Variants in FAAH2 observed in about 807,000 individuals in gnomAD.
FAAH2 encodes the protein fatty acid amide hydrolase 2.
In FAAH2, 60 loss-of-function variants were observed where a neutral mutation model predicts 36.9. The ratio of observed to expected loss-of-function variants is 1.63; its 90% CI spans 1.32 to 2.02. The LOEUF is 2.02. FAAH2 is among the 30% of genes most tolerant of loss of function. FAAH2 has a pLI of 0.00. For synonymous variants in FAAH2, 214 were observed against 143.8 expected, an observed-to-expected ratio of 1.49 and a Z score of -3.49; for missense variants, 689 against 397.5, an observed-to-expected ratio of 1.73 and a Z score of -6.23.
At chrX:57,154,536 G>T in the FAAH2 span, among the ~76,000 whole-genome samples, 4 of 110,235 alleles carry the variant, frequency 3.6e-5, no homozygotes, top group African/African-American at 1.3e-4. Flanking sequence ...GCCTCCCAAA[G>T]TGTTGGGATT....
the FAAH2 span, among the ~76,000 whole-genome samples, chrX:57,188,030 T>C: frequency 8.9e-6 from 1 of 111,808 alleles, no homozygotes; most frequent in African/African-American, 3.2e-5. Flanking sequence ...TTTCCTTTTT[T>C]ATTGTGTCTC....
chrX:57,163,437 A>G, the FAAH2 span, among the ~76,000 whole-genome samples: 65 of 111,960 alleles, frequency 5.8e-4, no homozygotes, highest in African/African-American at 2.1e-3. Context: ...AGCCTGGGCA[A>G]TGGAGGGCGC....
chrX:57,375,269 A>T (rs1041361245), intron 5 of FAAH2, among the ~76,000 whole-genome samples: 1 of 108,044 alleles, frequency 9.3e-6, no homozygotes, highest in Non-Finnish European at 1.9e-5. Flanking sequence ...TTCTTTCTCT[A>T]TCTTGTGGAA....
intron 3 of FAAH2, among the ~76,000 whole-genome samples, chrX:57,322,612 C>G (rs1460114393): frequency 6.3e-5 from 7 of 111,209 alleles, no homozygotes; most frequent in Non-Finnish European, 9.4e-5. Context: ...TGCCTTCTTT[C>G]TCTTTTTCTT....
the FAAH2 span, among the ~76,000 whole-genome samples, chrX:57,211,749 C>T: frequency 9.1e-4 from 102 of 111,799 alleles, no homozygotes; most frequent in African/African-American, 3.2e-3. Flanking sequence ...CTTGAGACTG[C>T]TCACCCATGC....
chrX:57,181,905 TAGCTTAGAAGTA>T, the FAAH2 span, among the ~76,000 whole-genome samples: 1 of 111,318 alleles, frequency 9.0e-6, no homozygotes. Context: ...ACAGAATAGA[TAGCTTAGAAGTA>T]ACACTGCACA....
At chrX:57,373,972 G>A (rs1002259393) in intron 5 of FAAH2, among the ~76,000 whole-genome samples, 27 of 111,225 alleles carry the variant, frequency 2.4e-4, no homozygotes, top group Admixed American at 2.9e-4. Context: ...TTGTTGAATA[G>A]GGTGTCCTTT....
chrX:57,365,008 G>A (rs1268718252), intron 5 of FAAH2, among the ~76,000 whole-genome samples: 2 of 111,789 alleles, frequency 1.8e-5, no homozygotes, highest in Non-Finnish European at 3.8e-5. Context: ...ATATACAGAT[G>A]AGAAAAACTG....
intron 7 of FAAH2, among the ~76,000 whole-genome samples, chrX:57,427,666 C>T (rs1044468276): frequency 2.7e-5 from 3 of 111,635 alleles, no homozygotes; most frequent in African/African-American, 6.5e-5. Flanking sequence ...ATATGATCAT[C>T]TCCATAGATG....
At chrX:57,253,513 C>T in the FAAH2 span, among the ~76,000 whole-genome samples, 6 of 111,365 alleles carry the variant, frequency 5.4e-5, no homozygotes, top group East Asian at 2.8e-4. Context: ...TAATGGCAGC[C>T]GGAGAGAAAG....
chrX:57,448,129 C>A (rs1394708140), intron 9 of FAAH2, among the ~76,000 whole-genome samples: 1 of 111,330 alleles, frequency 9.0e-6, no homozygotes, highest in Non-Finnish European at 1.9e-5. Flanking sequence ...GCTGGGACTA[C>A]AGGGCTCACC....
chrX:57,466,666 T>A (rs1337920154), intron 10 of FAAH2, among the ~76,000 whole-genome samples: 1 of 111,028 alleles, frequency 9.0e-6, no homozygotes, highest in African/African-American at 3.3e-5. Flanking sequence ...TTCAAATAGA[T>A]TGAAACTAAA....
chrX:57,488,742 G>T lies in FAAH2; in HGVS notation c.1424-15G>T. 8.3e-7 allele frequency: 1 copy of T among 1,204,819 alleles called. No individual in the cohort carries two copies. Among genetic ancestry groups the T allele is most frequent in the Non-Finnish European group, 1.1e-6 (1 of 893,031 alleles). Reference sequence around the variant, plus strand: ...CAGGTCTTGATTTCTCACTTATTTTGTTTGTTTTCTTCAGGTGTCTTCAGT... The same window carrying T: ...CAGGTCTTGATTTCTCACTTATTTTTTTTGTTTTCTTCAGGTGTCTTCAGT... On this transcript the variant is annotated splice_polypyrimidine_tract_variant and intron_variant, in intron 10 of 10. Coordinates refer to ENST00000374900, the MANE Select transcript of FAAH2 (RefSeq NM_174912.4).
the FAAH2 span, among the ~76,000 whole-genome samples, chrX:57,263,782 C>G: frequency 9.0e-6 from 1 of 111,434 alleles, no homozygotes; most frequent in African/African-American, 3.2e-5. Flanking sequence ...AAGAATCTTT[C>G]TACCCAATTG....
intron 10 of FAAH2, among the ~76,000 whole-genome samples, chrX:57,470,178 C>T (rs76263819): frequency 9.0e-6 from 1 of 110,651 alleles, no homozygotes; most frequent in Admixed American, 9.7e-5. Flanking sequence ...CCTAATATCA[C>T]AATTAAAAGA....
chrX:57,441,748 T>C (rs1018463178), intron 8 of FAAH2, among the ~76,000 whole-genome samples: 4 of 111,603 alleles, frequency 3.6e-5, no homozygotes, highest in African/African-American at 1.3e-4. Context: ...GGGCGTTTAG[T>C]GCTATAAATT....
At chrX:57,232,497 C>A in the FAAH2 span, among the ~76,000 whole-genome samples, 1 of 111,929 alleles carries the variant, frequency 8.9e-6, no homozygotes, top group Admixed American at 9.5e-5. Context: ...ATTACGTAGG[C>A]TTTAATAATT....
chrX:57,257,829 A>T, the FAAH2 span, among the ~76,000 whole-genome samples: 1 of 111,753 alleles, frequency 8.9e-6, no homozygotes, highest in Non-Finnish European at 1.9e-5. Flanking sequence ...TGAAAAAAAG[A>T]AATAATTGAA....
At chrX:57,313,594 GTCTACTTTCAGCATCCC>G (rs1380698997) in intron 3 of FAAH2, among the ~76,000 whole-genome samples, 1 of 110,929 alleles carries the variant, frequency 9.0e-6, no homozygotes, top group Admixed American at 9.6e-5. Flanking sequence ...GATATTGGGG[GTCTACTTTCAGCATCCC>G]TAAAGACAAG....
Sources: allele counts gnomAD v4.1 joint callset (sites outside exome capture counted in the v4.1 genomes callset), GRCh38; gene constraint gnomAD v4.1.1; transcripts MANE v1.5; gene names NCBI Gene and HGNC (gene_info 2026-07-23, HGNC 2026-07-21).